FBXL2: variants seen among roughly 807,000 people sequenced by gnomAD.
FBXL2 encodes F-box and leucine rich repeat protein 2, also known as F-box/LRR-repeat protein 2.
A neutral mutation model predicts 69.2 loss-of-function variants in FBXL2; 38 were observed. That is an observed-to-expected ratio of 0.55 (90% CI 0.42 to 0.72). The LOEUF (loss-of-function observed/expected upper bound fraction) is 0.72. FBXL2 is among the 30% of genes least tolerant of loss of function. The probability of loss-of-function intolerance (pLI) is 0.00; values close to 1 mark genes in which losing one functional copy is unlikely to be tolerated. For missense variants in FBXL2, 354 were observed against 520.3 expected, an observed-to-expected ratio of 0.68 and a Z score of 3.11; for synonymous variants, 192 against 201.3, an observed-to-expected ratio of 0.95 and a Z score of 0.39.
intron 1 of FBXL2, among the ~76,000 whole-genome samples, chr3:33,279,146 G>T (rs2033668904): frequency 6.6e-6 from 1 of 152,174 alleles, no homozygotes; most frequent in African/African-American, 2.4e-5. Context: ...TAAGCATTAA[G>T]AATTTAACTC....
chr3:33,277,310 A>G (rs981367407), upstream of FBXL2: 21 of 406,524 alleles, frequency 5.2e-5, no homozygotes, highest in Admixed American at 2.2e-4. Context: ...AGAGGCGAAG[A>G]GGCCCAGTTC....
At chr3:33,303,532 A>T (rs1191236585) in intron 2 of FBXL2, among the ~76,000 whole-genome samples, 1 of 152,152 alleles carries the variant, frequency 6.6e-6, no homozygotes, top group Admixed American at 6.5e-5. Context: ...AGCTTTTCTG[A>T]TAGGAAGGAT....
chr3:33,399,784 T>A (rs2044151642), intron 12 of FBXL2, among the ~76,000 whole-genome samples: 1 of 152,196 alleles, frequency 6.6e-6, no homozygotes. Flanking sequence ...AATGTCAGTT[T>A]CCTGGTTTTG....
intron 12 of FBXL2, chr3:33,393,406 C>T (rs986939787): frequency 9.9e-6 from 16 of 1,612,408 alleles, no homozygotes; most frequent in Non-Finnish European, 1.1e-5. Flanking sequence ...CGCAAGTTTT[C>T]GAGCAACTTC....
At position 33,377,262 on chromosome 3, in the gene FBXL2, T is replaced by C; in HGVS notation, c.789-11T>C. The C allele has an allele frequency of 3.1e-6, 5 of 1,613,566 alleles. No individual in the cohort carries two copies. Among genetic ancestry groups the C allele is most frequent in the Non-Finnish European group, 4.2e-6 (5 of 1,179,636 alleles). On this transcript the variant is annotated splice_polypyrimidine_tract_variant and intron_variant, in intron 10 of 14. Coordinates refer to ENST00000484457, the MANE Select transcript of FBXL2 (RefSeq NM_012157.5). Reference sequence around the variant, plus strand: ...GTACCGTTTTCTCCCCTGTACCCACTTTCTCCTCAGAATTTTGGAGGCTGC... The same window carrying C: ...GTACCGTTTTCTCCCCTGTACCCACCTTCTCCTCAGAATTTTGGAGGCTGC...
downstream of FBXL2, among the ~76,000 whole-genome samples, chr3:33,405,618 G>C (rs1216688719): frequency 1.3e-5 from 2 of 152,116 alleles, no homozygotes; most frequent in African/African-American, 4.8e-5. Flanking sequence ...TCTGAGGCCA[G>C]GAGTTGGGGA....
chr3:33,422,311 C>A, the FBXL2 span, among the ~76,000 whole-genome samples: 1 of 152,022 alleles, frequency 6.6e-6, no homozygotes, highest in African/African-American at 2.4e-5. Context: ...AGGCCTGAGG[C>A]AGGAGGACTG....
chr3:33,360,216 G>GT lies in FBXL2; in HGVS notation c.195+868dup, dbSNP rs1037887724. Among the ~76,000 whole-genome samples, 52 of 151,294 alleles carry GT rather than the reference G, an allele frequency of 3.4e-4. 1 individual carries two copies. Among genetic ancestry groups the GT allele is most frequent in the East Asian group, 1.4e-3 (7 of 5,184 alleles). On this transcript the variant is annotated intron_variant, in intron 4 of 14. Transcript: ENST00000484457. ...TGTTTTTACCAAGATGTATATATTG[G>GT]TTTTTTTTTGTTTGTTTTGGATAAG...
intron 1 of FBXL2, among the ~76,000 whole-genome samples, chr3:33,286,216 G>C (rs904229417): frequency 3.9e-5 from 6 of 152,138 alleles, no homozygotes; most frequent in Admixed American, 6.5e-5. Flanking sequence ...ATAGGGTTTT[G>C]GTGTGGATGT....
At chr3:33,373,193 G>T in intron 6 of FBXL2, 33 bp downstream of exon 6, 1 of 1,611,246 alleles carries the variant, frequency 6.2e-7, no homozygotes, top group African/African-American at 1.3e-5. Context: ...TGACCAAATA[G>T]CCACGGGGAG....
At chr3:33,388,096 G>A (rs2043581310), downstream of FBXL2, 1 of 143,724 alleles carries the variant, frequency 7.0e-6, no homozygotes, top group Non-Finnish European at 1.5e-5. Flanking sequence ...AAGAAAATCA[G>A]GTTTGCTTCC....
At chr3:33,311,166 CT>C (rs1417343962) in intron 2 of FBXL2, among the ~76,000 whole-genome samples, 2 of 152,134 alleles carry the variant, frequency 1.3e-5, no homozygotes, top group African/African-American at 4.8e-5. Flanking sequence ...TTGAAGTTTC[CT>C]TGTATGTGAT....
chr3:33,307,150 G>A (rs2125747916), intron 2 of FBXL2, among the ~76,000 whole-genome samples: 1 of 152,252 alleles, frequency 6.6e-6, no homozygotes, highest in East Asian at 1.9e-4. Context: ...CAGTCTGGCA[G>A]ACACCACTTA....
intron 2 of FBXL2, among the ~76,000 whole-genome samples, chr3:33,305,515 A>G (rs936603532): frequency 1.3e-5 from 2 of 151,802 alleles, no homozygotes; most frequent in Non-Finnish European, 3.0e-5. Context: ...CCACAAATTT[A>G]TTTCTCATAC....
Position 33,377,261 on chromosome 3 carries a change from C to A in FBXL2, c.789-12C>A. On this transcript the variant is annotated splice_polypyrimidine_tract_variant and intron_variant, in intron 10 of 14. Coordinates refer to ENST00000484457, the MANE Select transcript of FBXL2 (RefSeq NM_012157.5). Reference sequence around the variant, plus strand: ...GGTACCGTTTTCTCCCCTGTACCCACTTTCTCCTCAGAATTTTGGAGGCTG... The same window carrying A: ...GGTACCGTTTTCTCCCCTGTACCCAATTTCTCCTCAGAATTTTGGAGGCTG... The A allele has an allele frequency of 1.2e-6, 2 of 1,613,766 alleles. No homozygotes were observed. The highest frequency in any genetic ancestry group is 2.2e-5 in the South Asian group (2 of 91,028).
chr3:33,319,807 G>A (rs569666144), intron 2 of FBXL2, among the ~76,000 whole-genome samples: 91 of 152,044 alleles, frequency 6.0e-4, no homozygotes, highest in African/African-American at 2.0e-3. Context: ...TTTTCTAGGG[G>A]CACAAGAAGG....
the FBXL2 span, chr3:33,408,852 C>T: frequency 7.0e-7 from 1 of 1,420,546 alleles, no homozygotes; most frequent in East Asian, 2.3e-5. Context: ...AAAGAAAGAT[C>T]TAACACCCTG....
intron 2 of FBXL2, among the ~76,000 whole-genome samples, chr3:33,320,374 A>C (rs575220959): frequency 1.3e-5 from 2 of 152,274 alleles, no homozygotes; most frequent in South Asian, 4.1e-4. Context: ...TCCCTACCTC[A>C]CACATACAAA....
intron 2 of FBXL2, among the ~76,000 whole-genome samples, chr3:33,325,392 A>G (rs1287335685): frequency 6.6e-6 from 1 of 152,206 alleles, no homozygotes; most frequent in Non-Finnish European, 1.5e-5. Context: ...GAATGCTTCC[A>G]GCTTTTGCCC....
Sources: gnomAD v4.1 joint callset for allele counts (sites outside exome capture counted in the v4.1 genomes callset) on GRCh38, gnomAD v4.1.1 for gene constraint, MANE v1.5 for transcripts, NCBI Gene and HGNC (gene_info 2026-07-23, HGNC 2026-07-21) for gene names.